DCC: variants seen among roughly 807,000 people sequenced by gnomAD.
The protein encoded by DCC is netrin receptor DCC.
DCC carries 58 observed loss-of-function variants against 172.5 expected under a neutral mutation model. The ratio of observed to expected loss-of-function variants is 0.34; its 90% CI spans 0.27 to 0.42. The LOEUF is 0.42. Ranked by LOEUF, DCC falls within the 10% of genes least tolerant of loss-of-function variation. The probability of loss-of-function intolerance (pLI) is 1.00; values close to 1 mark genes in which losing one functional copy is unlikely to be tolerated. For missense variants in DCC, 1,740 were observed against 1,791.0 expected, an observed-to-expected ratio of 0.97 and a Z score of 0.51; for synonymous variants, 709 against 644.5, an observed-to-expected ratio of 1.10 and a Z score of -1.52.
chr18:52,909,209 A>G (rs889509563), intron 3 of DCC, among the ~76,000 whole-genome samples: 1 of 152,178 alleles, frequency 6.6e-6, no homozygotes, highest in South Asian at 2.1e-4. Flanking sequence ...GTAAGTACCA[A>G]TGTGAGGCAG....
At chr18:52,452,355 T>C (rs763607948) in intron 1 of DCC, among the ~76,000 whole-genome samples, 5 of 152,258 alleles carry the variant, frequency 3.3e-5, no homozygotes, top group Non-Finnish European at 5.9e-5. Context: ...AACTTTATTA[T>C]GCATTATGTG....
chr18:52,383,341 G>A (rs1352230245), intron 1 of DCC, among the ~76,000 whole-genome samples: 12 of 152,016 alleles, frequency 7.9e-5, no homozygotes, highest in Admixed American at 7.9e-4. Context: ...TTTTAAAATT[G>A]CATCTTTTAT....
At chr18:52,503,928 G>A (rs893592666) in intron 1 of DCC, among the ~76,000 whole-genome samples, 6 of 152,120 alleles carry the variant, frequency 3.9e-5, no homozygotes, top group African/African-American at 1.4e-4. Flanking sequence ...CTGCCATGGG[G>A]AAATAGAGAA....
At chr18:52,763,657 A>G (rs2037197806) in intron 2 of DCC, among the ~76,000 whole-genome samples, 1 of 152,244 alleles carries the variant, frequency 6.6e-6, no homozygotes, top group Non-Finnish European at 1.5e-5. Context: ...TACCCTTTAA[A>G]AGTATATAAT....
chr18:53,002,405 C>T lies in DCC; in HGVS notation c.986-60900C>T, dbSNP rs1341223804. ...CCTGACAATACAGAAATTATAAATG[C>T]CCCCTTTAGATAATTCAGCTTGCCG... is the stretch of plus-strand genomic sequence containing the variant. On this transcript the variant is annotated intron_variant, in intron 5 of 28. Transcript: ENST00000442544. Among the ~76,000 whole-genome samples the T allele has an allele frequency of 2.6e-5, 4 of 152,096 alleles. 1 individual carries two copies. The South Asian group carries it at 8.3e-4, about 32-fold the overall frequency.
At chr18:52,692,353 C>T (rs1400978845) in intron 1 of DCC, among the ~76,000 whole-genome samples, 1 of 152,132 alleles carries the variant, frequency 6.6e-6, no homozygotes, top group Non-Finnish European at 1.5e-5. Flanking sequence ...CAGATTAGTA[C>T]CTCCTAAACC....
intron 15 of DCC, among the ~76,000 whole-genome samples, chr18:53,383,230 T>G (rs898994916): frequency 6.6e-6 from 1 of 152,108 alleles, no homozygotes; most frequent in African/African-American, 2.4e-5. Context: ...GCTTAATGCT[T>G]AGATCCATTC....
rs913864662 is a variant in DCC at position 52,340,490 on chromosome 18, C to T, written c.-298C>T. The T allele has an allele frequency of 2.0e-6, 1 of 491,126 alleles. No homozygotes were observed. The highest frequency in any genetic ancestry group is 3.3e-5 in the Admixed American group (1 of 30,532). 30.4% of individuals were successfully genotyped at this position (491,126 alleles called of 1,614,324 possible). On this transcript the variant is annotated 5_prime_UTR_variant, in exon 1 of 29. Coordinates refer to ENST00000442544, the MANE Select transcript of DCC (RefSeq NM_005215.4). ...GAGCTGTCTTCCCTCCTCTGGCTCCCTCCGTTTCCTTGAGTTAGTTTTCTA... is the reference window on the plus strand; with the variant it reads ...GAGCTGTCTTCCCTCCTCTGGCTCCTTCCGTTTCCTTGAGTTAGTTTTCTA...
At chr18:53,045,547 CACATACAT>C (rs1444551477) in intron 5 of DCC, among the ~76,000 whole-genome samples, 3 of 151,828 alleles carry the variant, frequency 2.0e-5, no homozygotes, top group African/African-American at 4.8e-5. Context: ...GGCACACACA[CACATACAT>C]ATGCTGCATA....
chr18:53,501,214 G>C (rs1223739804), intron 27 of DCC, among the ~76,000 whole-genome samples: 1 of 152,158 alleles, frequency 6.6e-6, no homozygotes, highest in Non-Finnish European at 1.5e-5. Context: ...GATTCTGAAG[G>C]CTTATTACAT....
intron 1 of DCC, among the ~76,000 whole-genome samples, chr18:52,439,057 G>T (rs1214156055): frequency 6.6e-6 from 1 of 151,946 alleles, no homozygotes; most frequent in Non-Finnish European, 1.5e-5. Flanking sequence ...CCAAGTGTGG[G>T]AGAAAAAAAG....
chr18:52,846,390 A>G (rs1258985011), intron 2 of DCC, among the ~76,000 whole-genome samples: 1 of 151,848 alleles, frequency 6.6e-6, no homozygotes, highest in Admixed American at 6.6e-5. Flanking sequence ...AAATACAGAA[A>G]TTAGCCAGGC....
intron 7 of DCC, among the ~76,000 whole-genome samples, chr18:53,080,759 G>T (rs564003866): frequency 6.6e-6 from 1 of 152,098 alleles, no homozygotes; most frequent in Non-Finnish European, 1.5e-5. Flanking sequence ...ACGGTTAGCA[G>T]TTTGCATTTG....
At position 53,262,451 on chromosome 18, in the gene DCC, G is replaced by T. The variant is rs968719953; in HGVS notation, c.1912-43127G>T. On this transcript the variant is annotated intron_variant, in intron 12 of 28. Coordinates refer to ENST00000442544, the MANE Select transcript of DCC (RefSeq NM_005215.4). ...AATTCATTGTCCCTGGATCCTCCTGGCCAGACATTTAAAGCTAAACTCCCA... is the reference window on the plus strand; with the variant it reads ...AATTCATTGTCCCTGGATCCTCCTGTCCAGACATTTAAAGCTAAACTCCCA... Among the ~76,000 whole-genome samples the T allele has an allele frequency of 5.9e-5, 9 of 152,200 alleles. No individual in the cohort carries two copies. In the East Asian group the frequency reaches 1.7e-3, roughly 29 times the overall value.
chr18:52,473,200 T>C (rs1988996285), intron 1 of DCC, among the ~76,000 whole-genome samples: 1 of 152,186 alleles, frequency 6.6e-6, no homozygotes, highest in Non-Finnish European at 1.5e-5. Flanking sequence ...CAGGCTCTGG[T>C]CTCTGCTGCC....
chr18:52,787,378 A>T (rs993223793), intron 2 of DCC, among the ~76,000 whole-genome samples: 7 of 152,140 alleles, frequency 4.6e-5, no homozygotes, highest in Non-Finnish European at 7.4e-5. Context: ...AAGCAAGGTG[A>T]CAATTGTCTG....
intron 10 of DCC, among the ~76,000 whole-genome samples, chr18:53,207,450 T>G (rs1368756183): frequency 2.0e-5 from 3 of 152,132 alleles, no homozygotes; most frequent in Non-Finnish European, 4.4e-5. Context: ...TTAAACAAAT[T>G]GGAACTTAAT....
At chr18:53,461,564 T>C (rs2045559919) in intron 24 of DCC, among the ~76,000 whole-genome samples, 1 of 152,238 alleles carries the variant, frequency 6.6e-6, no homozygotes, top group African/African-American at 2.4e-5. Flanking sequence ...CTTGTTTTTC[T>C]CAGGTTTGTC....
At chr18:53,402,524 T>G (rs1388673839) in intron 18 of DCC, among the ~76,000 whole-genome samples, 1 of 152,198 alleles carries the variant, frequency 6.6e-6, no homozygotes, top group African/African-American at 2.4e-5. Context: ...AAATACCAGT[T>G]GTACTTTTCT....
Sources: gnomAD v4.1 joint callset for allele counts (sites outside exome capture counted in the v4.1 genomes callset) on GRCh38, gnomAD v4.1.1 for gene constraint, MANE v1.5 for transcripts, NCBI Gene and HGNC (gene_info 2026-07-23, HGNC 2026-07-21) for gene names.